DPP6: variants seen among roughly 807,000 people sequenced by gnomAD.
DPP6 encodes dipeptidyl peptidase like 6, also known as A-type potassium channel modulatory protein DPP6.
Under a neutral mutation model 122.6 loss-of-function variants are expected in DPP6, and 69 were observed. The ratio of observed to expected loss-of-function variants is 0.56; its 90% CI spans 0.46 to 0.69. The LOEUF (loss-of-function observed/expected upper bound fraction) is 0.69, where lower values mean the gene tolerates loss of function less well. Among genes scored for constraint, DPP6 ranks in the 30% least tolerant of loss-of-function variants. DPP6 has a pLI of 0.00. For missense variants in DPP6, 928 were observed against 1,116.9 expected (o/e 0.83, Z 2.41); for synonymous variants, 418 against 433.1 (o/e 0.97, Z 0.43).
At chr7:154,539,451 G>A (rs1343323615) in intron 3 of DPP6, among the ~76,000 whole-genome samples, 1 of 152,108 alleles carries the variant, frequency 6.6e-6, no homozygotes, top group African/African-American at 2.4e-5. Flanking sequence ...TTGGACACAG[G>A]AAGGGGAACA....
At chr7:154,653,514 T>A (rs1837018234) in intron 6 of DPP6, among the ~76,000 whole-genome samples, 1 of 152,044 alleles carries the variant, frequency 6.6e-6, no homozygotes, top group Non-Finnish European at 1.5e-5. Context: ...AGATAATAGA[T>A]AAATAGGTAG....
intron 1 of DPP6, among the ~76,000 whole-genome samples, chr7:153,925,061 T>C (rs1170160623): frequency 1.3e-5 from 2 of 151,952 alleles, no homozygotes; most frequent in South Asian, 2.1e-4. Context: ...CGACCCAAAG[T>C]GTGGATGATG....
At chr7:154,804,157 CTGAGGACGCAA>C (rs1798552039) in intron 14 of DPP6, among the ~76,000 whole-genome samples, 1 of 152,216 alleles carries the variant, frequency 6.6e-6, no homozygotes, top group African/African-American at 2.4e-5. Context: ...CTGCGGCGTC[CTGAGGACGCAA>C]TTAGGCTTGC....
intron 1 of DPP6, among the ~76,000 whole-genome samples, chr7:154,217,718 A>G (rs1197416340): frequency 1.3e-5 from 2 of 152,232 alleles, no homozygotes; most frequent in African/African-American, 4.8e-5. Context: ...CTGTGGTCCC[A>G]TCTCATCCCT....
At chr7:154,310,654 C>CAAA (rs1806787535) in intron 1 of DPP6, among the ~76,000 whole-genome samples, 3 of 152,322 alleles carry the variant, frequency 2.0e-5, no homozygotes, top group African/African-American at 7.2e-5. Flanking sequence ...TCAAAACCTT[C>CAAA]AAATGCTCCA....
intron 1 of DPP6, among the ~76,000 whole-genome samples, chr7:154,348,089 C>A (rs1327454379): frequency 6.6e-6 from 1 of 151,718 alleles, no homozygotes; most frequent in Admixed American, 6.6e-5. Flanking sequence ...TCAGCTCCCA[C>A]CCCCACCTCC....
intron 1 of DPP6, among the ~76,000 whole-genome samples, chr7:154,171,272 C>T (rs989380710): frequency 2.6e-5 from 4 of 152,180 alleles, no homozygotes; most frequent in East Asian, 1.9e-4. Flanking sequence ...GCTTCAACAA[C>T]GCTAGGAGTG....
Position 154,483,389 on chromosome 7 carries a change from T to C in DPP6, c.457+8352T>C, listed in dbSNP as rs1468087598. Reference sequence around the variant, plus strand: ...AAAGGTAAACTGAGGCACAATACAATTTTTTTTTTTTTAAAAGCATTTATT... The same window carrying C: ...AAAGGTAAACTGAGGCACAATACAACTTTTTTTTTTTTAAAAGCATTTATT... On this transcript the variant is annotated intron_variant, in intron 3 of 25. Coordinates refer to ENST00000377770, the MANE Select transcript of DPP6 (RefSeq NM_130797.4). This position sits in a 1 kb window ranked among gnomAD's most constrained non-coding sequence, Gnocchi z 8.1. Among the ~76,000 whole-genome samples the C allele has an allele frequency of 9.9e-5, 2 of 20,290 alleles. No individual in the cohort carries two copies. The highest frequency in any genetic ancestry group is 2.2e-4 in the Non-Finnish European group (2 of 9,100). The allele number at this position is 20,290 out of a possible 152,430, so 13.3% of individuals were successfully genotyped here. A position where few individuals can be genotyped will look rare whatever the true frequency, so the allele number is the denominator to read the frequency against.
intron 1 of DPP6, among the ~76,000 whole-genome samples, chr7:154,378,023 T>C (rs1391274613): frequency 6.6e-6 from 1 of 152,182 alleles, no homozygotes; most frequent in Non-Finnish European, 1.5e-5. Context: ...ATAATAGAAG[T>C]GTGTCCTGTG....
rs140230457 is a variant in DPP6 at position 154,555,245 on chromosome 7, A to G, written c.553-11597A>G. 2.0e-3 allele frequency among the ~76,000 whole-genome samples: 297 copies of G among 152,300 alleles called. 1 individual carries two copies. The highest frequency in any genetic ancestry group is 6.4e-3 in the African/African-American group (267 of 41,562). ...GAATTTTATTTCTGAAAAACCTAAC[A>G]TATATTAGTTTTAATATACACCATG... On this transcript the variant is annotated intron_variant, in intron 4 of 25. Transcript: ENST00000377770.
intron 5 of DPP6, among the ~76,000 whole-genome samples, chr7:154,633,387 C>T (rs1338498815): frequency 1.3e-5 from 2 of 152,154 alleles, no homozygotes; most frequent in African/African-American, 2.4e-5. Context: ...CAGGCACCCG[C>T]CATCCTGCCT....
At chr7:154,367,921 C>G (rs1812320707) in intron 1 of DPP6, among the ~76,000 whole-genome samples, 1 of 152,180 alleles carries the variant, frequency 6.6e-6, no homozygotes, top group Non-Finnish European at 1.5e-5. Flanking sequence ...ATTCTCCTGC[C>G]TCAGCCTCCT....
At chr7:153,904,057 T>G (rs2129000034) in intron 1 of DPP6, among the ~76,000 whole-genome samples, 1 of 152,206 alleles carries the variant, frequency 6.6e-6, no homozygotes, top group Admixed American at 6.5e-5. Context: ...TTGTTGTTGT[T>G]GTTGTCATTT....
chr7:153,961,498 A>G (rs1233517347), intron 1 of DPP6, among the ~76,000 whole-genome samples: 1 of 149,970 alleles, frequency 6.7e-6, no homozygotes, highest in Non-Finnish European at 1.5e-5. Context: ...CTACAGCAGC[A>G]GTCCCCAGAC....
intron 16 of DPP6, among the ~76,000 whole-genome samples, chr7:154,848,449 A>G (rs997587845): frequency 1.3e-5 from 2 of 151,720 alleles, no homozygotes; most frequent in African/African-American, 4.8e-5. Context: ...TCATGTATCT[A>G]TTTTCTATTT....
chr7:153,796,188 T>C, the DPP6 span, among the ~76,000 whole-genome samples: 1 of 126,122 alleles, frequency 7.9e-6, no homozygotes, highest in African/African-American at 3.0e-5. Flanking sequence ...CTATCCATTA[T>C]TGAGAGAGAG....
chr7:154,152,844 A>G (rs1021810052), intron 1 of DPP6, among the ~76,000 whole-genome samples: 2 of 152,222 alleles, frequency 1.3e-5, no homozygotes, highest in East Asian at 1.9e-4. Flanking sequence ...CCAATCAGAA[A>G]CAAGCCCTTG....
intron 1 of DPP6, among the ~76,000 whole-genome samples, chr7:154,180,265 A>C (rs1484038329): frequency 6.6e-6 from 1 of 151,714 alleles, no homozygotes; most frequent in East Asian, 1.9e-4. Context: ...TAAGAATCGC[A>C]TGAACCCGGG....
chr7:154,837,470 T>C (rs1801182718), intron 16 of DPP6, among the ~76,000 whole-genome samples: 1 of 152,180 alleles, frequency 6.6e-6, no homozygotes, highest in Admixed American at 6.5e-5. Flanking sequence ...GGGATGTGCA[T>C]TTGGGATGGG....
Sources: allele counts gnomAD v4.1 joint callset (sites outside exome capture counted in the v4.1 genomes callset), GRCh38; gene constraint gnomAD v4.1.1; non-coding constraint Gnocchi (gnomAD v3.1); transcripts MANE v1.5; gene names NCBI Gene and HGNC (gene_info 2026-07-23, HGNC 2026-07-21).